CSMD3: variants seen among roughly 807,000 people sequenced by gnomAD.
CSMD3 encodes the protein CUB and sushi domain-containing protein 3.
CSMD3 carries 177 observed loss-of-function variants against 435.2 expected under a neutral mutation model. The observed-to-expected ratio is 0.41, with a 90% CI of 0.36 to 0.46. The LOEUF (loss-of-function observed/expected upper bound fraction) is 0.46, where lower values mean the gene tolerates loss of function less well. Ranked by LOEUF, CSMD3 falls within the 20% of genes least tolerant of loss-of-function variation. The pLI is 0.34. For synonymous variants in CSMD3, 1,656 were observed against 1,520.5 expected (o/e 1.09, Z -2.07); for missense variants, 4,265 against 4,504.6 (o/e 0.95, Z 1.52).
chr8:113,267,447 A>C, intron 3 of CSMD3, among the ~76,000 whole-genome samples: 1 of 151,808 alleles, frequency 6.6e-6, no homozygotes, highest in African/African-American at 2.4e-5. Context: ...TTGCAGCAAC[A>C]TCGATGGAAG....
chr8:112,906,765 C>T (rs1394225590), intron 10 of CSMD3, among the ~76,000 whole-genome samples: 2 of 151,554 alleles, frequency 1.3e-5, no homozygotes, highest in Admixed American at 6.6e-5. Flanking sequence ...TTTTCCACTG[C>T]TCCTCATCCC....
intron 1 of CSMD3, among the ~76,000 whole-genome samples, chr8:113,382,749 G>A (rs2094422227): frequency 6.6e-6 from 1 of 152,146 alleles, no homozygotes; most frequent in Non-Finnish European, 1.5e-5. Context: ...GGAGGCTGAG[G>A]TGAGAGGATC....
chr8:112,473,320 G>A (rs927622569), intron 31 of CSMD3, among the ~76,000 whole-genome samples: 2 of 152,062 alleles, frequency 1.3e-5, no homozygotes, highest in African/African-American at 4.8e-5. Context: ...GTATATGGGG[G>A]TCCTGTTATT....
chr8:112,860,399 A>AT (rs1247755907), intron 10 of CSMD3, among the ~76,000 whole-genome samples: 1 of 151,762 alleles, frequency 6.6e-6, no homozygotes, highest in African/African-American at 2.4e-5. Context: ...AAATCATATT[A>AT]TTTTGTATAG....
At chr8:112,538,224 C>T (rs1486367615) in intron 27 of CSMD3, among the ~76,000 whole-genome samples, 1 of 151,984 alleles carries the variant, frequency 6.6e-6, no homozygotes, top group Non-Finnish European at 1.5e-5. Context: ...ATACAACAAA[C>T]CCACAGCTAA....
At chr8:112,325,146 A>G (rs1823372373) in intron 45 of CSMD3, among the ~76,000 whole-genome samples, 5 of 152,130 alleles carry the variant, frequency 3.3e-5, no homozygotes, top group Admixed American at 3.3e-4. Context: ...AAAATGTTAA[A>G]CCACATCTCT....
rs1472336994 is a variant in CSMD3 at position 112,556,842 on chromosome 8, G to A, written c.4155C>T (p.Tyr1385=). The change falls in exon 25 of 71, where the codon TAC becomes TAT. Residue 1385 remains tyrosine, a synonymous_variant. Coordinates refer to ENST00000297405, the MANE Select transcript of CSMD3 (RefSeq NM_198123.2). ...STIIYGCNPG[Y]TLHGSSLLKC... is the part of the protein sequence containing the mutation. ...TGAGAAGGCTACTTCCGTGGAGAGT[G>A]TAGCCTGGATTGCATCCATAAATGA... The A allele has an allele frequency of 6.2e-7, 1 of 1,612,444 alleles. No homozygotes were observed. The highest frequency in any genetic ancestry group is 1.7e-4 in the Middle Eastern group (1 of 6,046).
Position 112,783,424 on chromosome 8 carries a change from GGGAAGGAAGGAA to G in CSMD3, c.1972+16726_1972+16737del, listed in dbSNP as rs1256764715. On this transcript the variant is annotated intron_variant, in intron 13 of 70. Coordinates refer to ENST00000297405, the MANE Select transcript of CSMD3 (RefSeq NM_198123.2). ...AAGGAAGGAAGGAAGGAGGGAGGGA[GGGAAGGAAGGAA>G]GGAAGGAAGGAAGGAAGGAAGGAAG... Among the ~76,000 whole-genome samples the G allele has an allele frequency of 2.3e-3, 129 of 56,892 alleles. No homozygotes were observed. In the East Asian group the frequency reaches 0.039, roughly 17 times the overall value. 37.3% of individuals were successfully genotyped at this position (56,892 alleles called of 152,430 possible).
At chr8:112,424,152 C>G (rs1688131500) in intron 32 of CSMD3, among the ~76,000 whole-genome samples, 1 of 152,038 alleles carries the variant, frequency 6.6e-6, no homozygotes, top group Non-Finnish European at 1.5e-5. Context: ...ATAGCATCAC[C>G]TCCACTCCTC....
chr8:112,913,037 G>T (rs2082469430), intron 10 of CSMD3, among the ~76,000 whole-genome samples: 1 of 151,860 alleles, frequency 6.6e-6, no homozygotes, highest in South Asian at 2.1e-4. Flanking sequence ...CCTCAATCTG[G>T]TGTAATCTGC....
rs146484288 is a variant in CSMD3 at position 112,369,358 on chromosome 8, T to C, written c.6136+10994A>G. Among the ~76,000 whole-genome samples, 910 of 152,254 alleles carry C rather than the reference T, an allele frequency of 6.0e-3. 6 individuals are homozygous for C. Among genetic ancestry groups the C allele is most frequent in the African/African-American group, 0.021 (870 of 41,562 alleles). ...GCAAGATTTTTCTTACTCTAAAAAATATAATTTTTGAAATTTAGTTCCCCT... is the reference window on the plus strand; with the variant it reads ...GCAAGATTTTTCTTACTCTAAAAAACATAATTTTTGAAATTTAGTTCCCCT... On this transcript the variant is annotated intron_variant, in intron 38 of 70. Coordinates refer to ENST00000297405, the MANE Select transcript of CSMD3 (RefSeq NM_198123.2).
chr8:113,105,259 G>C (rs755872176), intron 4 of CSMD3, among the ~76,000 whole-genome samples: 125 of 152,132 alleles, frequency 8.2e-4, no homozygotes, highest in Middle Eastern at 3.4e-3. Flanking sequence ...TCTAAGAGAG[G>C]AGAAAAACTA....
intron 9 of CSMD3, among the ~76,000 whole-genome samples, chr8:112,935,171 G>A (rs561247376): frequency 6.6e-5 from 10 of 151,936 alleles, no homozygotes; most frequent in African/African-American, 2.2e-4. Context: ...TTCTTACGGC[G>A]TGTTCTTGGC....
chr8:113,314,582 G>A lies in CSMD3; in HGVS notation c.390C>T (p.Asn130=), dbSNP rs140908468. The change falls in exon 2 of 71, where the codon AAC becomes AAT. Residue 130 remains asparagine (N), a synonymous_variant. Transcript: ENST00000297405. ...SLYDGHPHPT[N]FRTRLTGFHL... Reference sequence around the variant, plus strand: ...CAAAACACACTAACCTTGTCCTAAAGTTTGTAGGATGAGGATGTCCATCAT... The same window carrying A: ...CAAAACACACTAACCTTGTCCTAAAATTTGTAGGATGAGGATGTCCATCAT... 404 of 1,589,884 alleles carry A rather than the reference G, an allele frequency of 2.5e-4. 1 individual carries two copies. The highest frequency in any genetic ancestry group is 2.5e-4 in the Admixed American group (15 of 59,984).
At chr8:113,075,162 C>T (rs953928892) in intron 5 of CSMD3, among the ~76,000 whole-genome samples, 1 of 151,584 alleles carries the variant, frequency 6.6e-6, no homozygotes, top group Non-Finnish European at 1.5e-5. Flanking sequence ...TTGGGTAATA[C>T]TGAAGATATT....
intron 3 of CSMD3, among the ~76,000 whole-genome samples, chr8:113,223,331 T>C (rs1304795249): frequency 6.6e-6 from 1 of 150,410 alleles, no homozygotes; most frequent in East Asian, 1.9e-4. Flanking sequence ...TGATATAAAA[T>C]AATATGTCAC....
intron 28 of CSMD3, among the ~76,000 whole-genome samples, chr8:112,513,759 T>C (rs555072756): frequency 3.1e-4 from 47 of 152,336 alleles, no homozygotes; most frequent in African/African-American, 1.1e-3. Flanking sequence ...CTTATATGTA[T>C]GTATATATGC....
intron 32 of CSMD3, among the ~76,000 whole-genome samples, chr8:112,466,768 C>T (rs1218454798): frequency 6.6e-6 from 1 of 152,024 alleles, no homozygotes; most frequent in Non-Finnish European, 1.5e-5. Flanking sequence ...ACTTAATAAC[C>T]ACTATGTAAT....
At chr8:113,086,193 G>T (rs1018479863) in intron 5 of CSMD3, among the ~76,000 whole-genome samples, 20 of 150,986 alleles carry the variant, frequency 1.3e-4, no homozygotes, top group Non-Finnish European at 7.4e-5. Context: ...AGCTTGAAGT[G>T]AGCCGAGATC....
Sources: gnomAD v4.1 joint callset for allele counts (sites outside exome capture counted in the v4.1 genomes callset) on GRCh38, gnomAD v4.1.1 for gene constraint, MANE v1.5 for transcripts, NCBI Gene and HGNC (gene_info 2026-07-23, HGNC 2026-07-21) for gene names.